Variants in AGPAT4 observed in about 807,000 individuals in gnomAD.
AGPAT4 encodes the protein 1-acylglycerol-3-phosphate O-acyltransferase 4, also known as 1-acyl-sn-glycerol-3-phosphate acyltransferase delta.
In AGPAT4, 15 loss-of-function variants were observed where a neutral mutation model predicts 48.0. That is an observed-to-expected ratio of 0.31 (90% CI 0.21 to 0.48). The LOEUF (loss-of-function observed/expected upper bound fraction) is 0.48. Among genes scored for constraint, AGPAT4 ranks in the 20% least tolerant of loss-of-function variants. AGPAT4 has a pLI of 0.99. For synonymous variants in AGPAT4, 178 were observed against 198.7 expected (o/e 0.90, Z 0.88); for missense variants, 314 against 482.5 (o/e 0.65, Z 3.27).
chr6:161,196,321 G>GA lies in AGPAT4; in HGVS notation c.179-29905dup, dbSNP rs1013016367. Among the ~76,000 whole-genome samples, 5 of 151,608 alleles carry GA rather than the reference G, an allele frequency of 3.3e-5. No individual in the cohort carries two copies. The highest frequency in any genetic ancestry group is 7.3e-5 in the African/African-American group (3 of 41,256). On this transcript the variant is annotated intron_variant, in intron 2 of 8. Transcript: ENST00000320285. This position sits in a 1 kb window ranked among gnomAD's most constrained non-coding sequence, Gnocchi z 4.3. ...GGAAACTATGAAAGTGTTTGAAAAGGAAAAAAAAGAGGCAGTCAGGGCAAA... is the reference window on the plus strand; with the variant it reads ...GGAAACTATGAAAGTGTTTGAAAAGGAAAAAAAAAGAGGCAGTCAGGGCAAA...
rs577281258 is a variant in AGPAT4, at chr6:161,215,471, G to C, written c.178+16565C>G. On this transcript the variant is annotated intron_variant, in intron 2 of 8. Coordinates refer to ENST00000320285, the MANE Select transcript of AGPAT4 (RefSeq NM_020133.3). The surrounding 1 kb of genome is among the most constrained non-coding windows in gnomAD (Gnocchi z 4.5). ...AGTGACTCACCCTGATCTCATGCTC[G>C]GTAATCAGGTTCAGATATCCTGGTC... Among the ~76,000 whole-genome samples, 4 of 152,066 alleles carry C rather than the reference G, an allele frequency of 2.6e-5. No homozygotes were observed. Among genetic ancestry groups the C allele is most frequent in the African/African-American group, 9.7e-5 (4 of 41,410 alleles).
intron 3 of AGPAT4, among the ~76,000 whole-genome samples, chr6:161,163,112 A>G (rs1779983274): frequency 6.6e-6 from 1 of 152,276 alleles, no homozygotes; most frequent in Non-Finnish European, 1.5e-5. Flanking sequence ...TGGGATCTTG[A>G]GTACATTTAA....
rs1406808096 is a variant in AGPAT4, at chr6:161,226,282, G to C, written c.178+5754C>G. The stretch of plus-strand genomic sequence containing the variant: ...ACTACCTATCAGGACAAGTGAAGGA[G>C]TCAAAACCTGTTTGGAACTCAAAGA... On this transcript the variant is annotated intron_variant, in intron 2 of 8. Coordinates refer to ENST00000320285, the MANE Select transcript of AGPAT4 (RefSeq NM_020133.3). This position sits in a 1 kb window ranked among gnomAD's most constrained non-coding sequence, Gnocchi z 6.3. Among the ~76,000 whole-genome samples the C allele has an allele frequency of 3.3e-5, 5 of 152,170 alleles. No homozygotes were observed. The highest frequency in any genetic ancestry group is 5.9e-5 in the Non-Finnish European group (4 of 68,032).
At position 161,223,262 on chromosome 6, in the gene AGPAT4, G is replaced by A. The variant is rs1781879178; in HGVS notation, c.178+8774C>T. On this transcript the variant is annotated intron_variant, in intron 2 of 8. Transcript: ENST00000320285. This position sits in a 1 kb window ranked among gnomAD's most constrained non-coding sequence, Gnocchi z 6.3. ...CTTGGGTGCACGTTTGTTAAAGAATGCCTGCTGGGCGGCGACAGGCATTCT... is the reference window on the plus strand; with the variant it reads ...CTTGGGTGCACGTTTGTTAAAGAATACCTGCTGGGCGGCGACAGGCATTCT... Among the ~76,000 whole-genome samples, 1 of 152,210 alleles carries A rather than the reference G, an allele frequency of 6.6e-6. No homozygotes were observed. The highest frequency in any genetic ancestry group is 1.5e-5 in the Non-Finnish European group (1 of 68,040).
chr6:161,165,829 G>A lies in AGPAT4; in HGVS notation c.348+419C>T. Reference sequence around the variant, plus strand: ...TCAACGATCAAAATGCAGAGGTGATGTCTGCCTGTTAGCCAAGGAGGCAGT... The same window carrying A: ...TCAACGATCAAAATGCAGAGGTGATATCTGCCTGTTAGCCAAGGAGGCAGT... On this transcript the variant is annotated intron_variant, in intron 3 of 8. Coordinates refer to ENST00000320285, the MANE Select transcript of AGPAT4 (RefSeq NM_020133.3). This position sits in a 1 kb window ranked among gnomAD's most constrained non-coding sequence, Gnocchi z 5.5. 1.7e-6 allele frequency: 1 copy of A among 589,972 alleles called. No homozygotes were observed. The highest frequency in any genetic ancestry group is 3.1e-6 in the Non-Finnish European group (1 of 322,912). The allele number at this position is 589,972 out of a possible 1,614,324, so 36.5% of individuals were successfully genotyped here.
intron 1 of AGPAT4, among the ~76,000 whole-genome samples, chr6:161,257,886 G>A (rs1157758743): frequency 2.6e-5 from 4 of 152,256 alleles, no homozygotes; most frequent in South Asian, 2.1e-4. Context: ...ATGTGGTGAC[G>A]CAGTCTGTCA....
At chr6:161,157,855 G>A (rs575965171) in intron 3 of AGPAT4, among the ~76,000 whole-genome samples, 4 of 152,266 alleles carry the variant, frequency 2.6e-5, no homozygotes, top group East Asian at 1.9e-4. Context: ...GCTCTACCAC[G>A]ACCCAGCTGT....
intron 7 of AGPAT4, among the ~76,000 whole-genome samples, chr6:161,145,982 A>G (rs575309654): frequency 6.6e-6 from 1 of 151,824 alleles, no homozygotes; most frequent in East Asian, 1.9e-4. Context: ...AGAGAAACCA[A>G]TGAAAGCAAA....
Position 161,154,224 on chromosome 6 carries a change from C to T in AGPAT4, c.435G>A (p.Ser145=), listed in dbSNP as rs148294390. The T allele has an allele frequency of 6.9e-5, 112 of 1,614,066 alleles. 1 individual carries two copies. The African/African-American group carries it at 7.1e-4, about 10-fold the overall frequency. The change falls in exon 4 of 9, where the codon TCG becomes TCA. Residue 145 remains serine, a synonymous_variant. Coordinates refer to ENST00000320285, the MANE Select transcript of AGPAT4 (RefSeq NM_020133.3). This position sits in a 1 kb window ranked among gnomAD's most constrained non-coding sequence, Gnocchi z 7.8. ...MWYFTEMVFC[S]RKWEQDRKTV... Reference sequence around the variant, plus strand: ...TCTTGCGATCCTGCTCCCACTTGCGCGAACAGAAGACCATCTCGGTGAAGT... The same window carrying T: ...TCTTGCGATCCTGCTCCCACTTGCGTGAACAGAAGACCATCTCGGTGAAGT...
chr6:161,194,913 T>C (rs1202419071), intron 2 of AGPAT4, among the ~76,000 whole-genome samples: 2 of 152,184 alleles, frequency 1.3e-5, no homozygotes, highest in Non-Finnish European at 2.9e-5. Flanking sequence ...ACTTAGCTTT[T>C]AAAGAGGAAC....
rs1193121021 is a variant in AGPAT4 at position 161,146,725 on chromosome 6, G to A, written c.768-126C>T. On this transcript the variant is annotated intron_variant, in intron 6 of 8. Transcript: ENST00000320285. This position sits in a 1 kb window ranked among gnomAD's most constrained non-coding sequence, Gnocchi z 7.1. ...CCTAAATAATGTGGAACTGAAGAGA[G>A]TAATGCAAGTGATAGAAAGAAGGGG... The A allele has an allele frequency of 3.7e-6, 3 of 803,954 alleles. No homozygotes were observed. The highest frequency in any genetic ancestry group is 2.6e-5 in the East Asian group (1 of 39,204). 49.8% of individuals were successfully genotyped at this position (803,954 alleles called of 1,614,324 possible). A position where few individuals can be genotyped will look rare whatever the true frequency, so the allele number is the denominator to read the frequency against.
At position 161,261,886 on chromosome 6, in the gene AGPAT4, G is replaced by A. The variant is rs1260726155; in HGVS notation, c.-90+12052C>T. Among the ~76,000 whole-genome samples, 1 of 152,164 alleles carries A rather than the reference G, an allele frequency of 6.6e-6. No individual in the cohort carries two copies. The highest frequency in any genetic ancestry group is 2.4e-5 in the African/African-American group (1 of 41,442). ...AGGCATTGACCTTCACACCTGGGTAGGGGCTCCTGGGCCAGAGACCCAGTT... is the reference window on the plus strand; with the variant it reads ...AGGCATTGACCTTCACACCTGGGTAAGGGCTCCTGGGCCAGAGACCCAGTT... On this transcript the variant is annotated intron_variant, in intron 1 of 8. Coordinates refer to ENST00000320285, the MANE Select transcript of AGPAT4 (RefSeq NM_020133.3). The surrounding 1 kb of genome is among the most constrained non-coding windows in gnomAD (Gnocchi z 5.3).
intron 2 of AGPAT4, among the ~76,000 whole-genome samples, chr6:161,191,111 G>A (rs1780911300): frequency 6.6e-6 from 1 of 152,172 alleles, no homozygotes; most frequent in Non-Finnish European, 1.5e-5. Flanking sequence ...CATTCATTAA[G>A]TGCTTACTGT....
Position 161,165,788 on chromosome 6 carries a change from C to A in AGPAT4, c.348+460G>T. On this transcript the variant is annotated intron_variant, in intron 3 of 8. Transcript: ENST00000320285. The surrounding 1 kb of genome is among the most constrained non-coding windows in gnomAD (Gnocchi z 5.5). ...CAGTTCACTCTCTCACTTATGGACTCAAAGTTCTTAAGCCTTCAACGATCA... is the reference window on the plus strand; with the variant it reads ...CAGTTCACTCTCTCACTTATGGACTAAAAGTTCTTAAGCCTTCAACGATCA... 1 of 598,198 alleles carries A rather than the reference C, an allele frequency of 1.7e-6. No individual in the cohort carries two copies. The highest frequency in any genetic ancestry group is 2.2e-5 in the Admixed American group (1 of 44,544). 37.1% of individuals were successfully genotyped at this position (598,198 alleles called of 1,614,324 possible).
Position 161,189,520 on chromosome 6 carries a change from G to A in AGPAT4, c.179-23103C>T, listed in dbSNP as rs1482256510. ...CACTTACTTACAACCTTAGTTGCCC[G>A]TCAGGACTATCCCTCCTCTGCACAG... is the stretch of plus-strand genomic sequence containing the variant. On this transcript the variant is annotated intron_variant, in intron 2 of 8. Transcript: ENST00000320285. This position sits in a 1 kb window ranked among gnomAD's most constrained non-coding sequence, Gnocchi z 5.3. Among the ~76,000 whole-genome samples, 1 of 152,184 alleles carries A rather than the reference G, an allele frequency of 6.6e-6. No homozygotes were observed. Among genetic ancestry groups the A allele is most frequent in the African/African-American group, 2.4e-5 (1 of 41,438 alleles).
intron 1 of AGPAT4, among the ~76,000 whole-genome samples, chr6:161,237,690 T>C (rs1176179360): frequency 6.6e-6 from 1 of 152,196 alleles, no homozygotes; most frequent in East Asian, 1.9e-4. Context: ...TATCTATTAT[T>C]AGTGGCTAAA....
intron 2 of AGPAT4, among the ~76,000 whole-genome samples, chr6:161,211,562 G>A (rs575447945): frequency 2.6e-5 from 4 of 152,162 alleles, no homozygotes; most frequent in Middle Eastern, 3.4e-3. Flanking sequence ...AAAGAGGGAC[G>A]TTCAGGACAA....
intron 2 of AGPAT4, among the ~76,000 whole-genome samples, chr6:161,167,163 T>G (rs1188611105): frequency 6.6e-6 from 1 of 152,110 alleles, no homozygotes; most frequent in Non-Finnish European, 1.5e-5. Context: ...GACTTTGAAA[T>G]GGACTCTTGA....
rs537001161 is a variant in AGPAT4, at chr6:161,148,977, G to A, written c.767+210C>T. Among the ~76,000 whole-genome samples the A allele has an allele frequency of 1.5e-4, 23 of 152,316 alleles. No individual in the cohort carries two copies. The highest frequency in any genetic ancestry group is 4.1e-4 in the African/African-American group (17 of 41,578). On this transcript the variant is annotated intron_variant, in intron 6 of 8. Transcript: ENST00000320285. The surrounding 1 kb of genome is among the most constrained non-coding windows in gnomAD (Gnocchi z 5.5). ...AACCTAAGCTCTTTGATACGAAAAA[G>A]CTGGTTACAGAGGATCCGGAAGGAG... is the stretch of plus-strand genomic sequence containing the variant.
Sources: gnomAD v4.1 joint callset for allele counts (sites outside exome capture counted in the v4.1 genomes callset) on GRCh38, gnomAD v4.1.1 for gene constraint, Gnocchi (gnomAD v3.1) non-coding constraint, MANE v1.5 for transcripts, NCBI Gene and HGNC (gene_info 2026-07-23, HGNC 2026-07-21) for gene names.